Variants in SESTD1 observed in about 807,000 individuals in gnomAD.
SESTD1 encodes SEC14 domain and spectrin repeat-containing protein 1.
A neutral mutation model predicts 101.7 loss-of-function variants in SESTD1; 43 were observed. The observed-to-expected ratio is 0.42, with a 90% confidence interval of 0.33 to 0.55. The LOEUF (loss-of-function observed/expected upper bound fraction) is 0.55. Ranked by LOEUF, SESTD1 falls within the 20% of genes least tolerant of loss-of-function variation. The pLI is 0.07. For synonymous variants in SESTD1, 283 were observed against 286.8 expected (o/e 0.99, Z 0.13); for missense variants, 647 against 815.1 (o/e 0.79, Z 2.51).
chr2:179,168,339 T>C (rs1323879969), intron 5 of SESTD1, among the ~76,000 whole-genome samples: 1 of 152,224 alleles, frequency 6.6e-6, no homozygotes, highest in Non-Finnish European at 1.5e-5. Context: ...ATAATACATA[T>C]ACAAAATTTG....
intron 1 of SESTD1, among the ~76,000 whole-genome samples, chr2:179,252,970 A>G (rs535618467): frequency 1.3e-5 from 2 of 152,256 alleles, no homozygotes; most frequent in South Asian, 4.1e-4. Context: ...TCTCCATCCC[A>G]AAGTTCATAC....
At chr2:179,222,382 T>C (rs2046828114) in intron 1 of SESTD1, among the ~76,000 whole-genome samples, 1 of 152,150 alleles carries the variant, frequency 6.6e-6, no homozygotes, top group East Asian at 1.9e-4. Flanking sequence ...AGCAAATTTG[T>C]ATATATAGTT....
intron 1 of SESTD1, among the ~76,000 whole-genome samples, chr2:179,262,199 T>C (rs2047492203): frequency 6.6e-6 from 1 of 152,122 alleles, no homozygotes; most frequent in Non-Finnish European, 1.5e-5. Context: ...GGTTGTCAAA[T>C]ATGGGGAAGG....
chr2:179,162,506 A>C (rs2045754703), intron 5 of SESTD1: 1 of 152,198 alleles, frequency 6.6e-6, no homozygotes. Context: ...TTTACAAAAT[A>C]TCCTCCTATT....
chr2:179,228,979 A>G (rs2046932875), intron 1 of SESTD1, among the ~76,000 whole-genome samples: 1 of 152,164 alleles, frequency 6.6e-6, no homozygotes, highest in African/African-American at 2.4e-5. Flanking sequence ...CAGAAAAAGA[A>G]AGCCCAGTCT....
intron 9 of SESTD1, among the ~76,000 whole-genome samples, chr2:179,137,376 T>C (rs559033370): frequency 8.7e-4 from 132 of 152,228 alleles, no homozygotes; most frequent in African/African-American, 3.1e-3. Context: ...ATGTCAACCA[T>C]CTAACCTGGA....
chr2:179,196,087 C>G (rs1040748258), intron 1 of SESTD1, among the ~76,000 whole-genome samples: 4 of 152,188 alleles, frequency 2.6e-5, no homozygotes, highest in Non-Finnish European at 5.9e-5. Flanking sequence ...GGGCGCAGGT[C>G]AGTGGGTGCA....
intron 5 of SESTD1, among the ~76,000 whole-genome samples, chr2:179,153,142 A>C (rs2045561564): frequency 6.6e-6 from 1 of 152,220 alleles, no homozygotes; most frequent in Admixed American, 6.5e-5. Flanking sequence ...CTATAAACTC[A>C]GAAGAATAGA....
intron 9 of SESTD1, 122 bp from the exon 10 acceptor site, chr2:179,132,548 T>C (rs2045035529): frequency 2.8e-6 from 3 of 1,079,430 alleles, no homozygotes; most frequent in Non-Finnish European, 3.9e-6. Flanking sequence ...ATTTACATTC[T>C]ATCACATAGG....
intron 1 of SESTD1, among the ~76,000 whole-genome samples, chr2:179,230,113 C>CTCTCT (rs2046962437): frequency 3.5e-5 from 2 of 56,420 alleles, no homozygotes; most frequent in Admixed American, 2.9e-4. Flanking sequence ...GATTGTATCT[C>CTCTCT]TTTTTTTTTT....
chr2:179,258,212 T>C (rs2047428280), intron 1 of SESTD1, among the ~76,000 whole-genome samples: 1 of 152,208 alleles, frequency 6.6e-6, no homozygotes, highest in African/African-American at 2.4e-5. Context: ...ATTCAAGACT[T>C]TTCTGATAAA....
Position 179,104,536 on chromosome 2 carries a change from TCCC to T in SESTD1, c.*5360_*5362del, listed in dbSNP as rs2044339536. The T allele has an allele frequency of 2.0e-5, 3 of 151,996 alleles. No homozygotes were observed. The South Asian group carries it at 6.2e-4, about 32-fold the overall frequency. The allele number at this position is 151,996 out of a possible 1,614,324, so 9.4% of individuals were successfully genotyped here. On this transcript the variant is annotated 3_prime_UTR_variant, in exon 18 of 18. Transcript: ENST00000428443. Reference sequence around the variant, plus strand: ...AAGGCACCCAGTCATCTCTCATCTCTCCCCCAAGACAGAAGCATTTGGACACCC... The same window carrying T: ...AAGGCACCCAGTCATCTCTCATCTCTCCAAGACAGAAGCATTTGGACACCC...
At chr2:179,145,595 A>C (rs1357282911) in intron 8 of SESTD1, among the ~76,000 whole-genome samples, 5 of 152,228 alleles carry the variant, frequency 3.3e-5, no homozygotes, top group Admixed American at 2.6e-4. Context: ...CTGCTACTAG[A>C]GATATTTGGG....
chr2:179,138,487 G>A (rs1352887657), intron 9 of SESTD1, among the ~76,000 whole-genome samples: 2 of 152,026 alleles, frequency 1.3e-5, no homozygotes, highest in South Asian at 2.1e-4. Context: ...AAAGTTGTCC[G>A]AATCAAAATG....
intron 16 of SESTD1, 132 bp from the exon 17 acceptor site, chr2:179,112,977 G>T: frequency 8.0e-7 from 1 of 1,254,692 alleles, no homozygotes; most frequent in Non-Finnish European, 1.1e-6. Context: ...ATACAAATTT[G>T]GTAGATTAAA....
chr2:179,221,169 G>A (rs1340694957), intron 1 of SESTD1, among the ~76,000 whole-genome samples: 1 of 152,042 alleles, frequency 6.6e-6, no homozygotes, highest in Admixed American at 6.5e-5. Context: ...GGGAGGAAAT[G>A]TAAAAATAGT....
chr2:179,115,669 G>A (rs28508327), intron 15 of SESTD1, among the ~76,000 whole-genome samples: 1,612 of 152,150 alleles, frequency 0.011, 24 homozygotes, highest in African/African-American at 0.034. Context: ...GATCACTTCA[G>A]CCCAGGAGTT....
chr2:179,110,685 CTCTT>C (rs1200836417), intron 17 of SESTD1, among the ~76,000 whole-genome samples: 1 of 152,162 alleles, frequency 6.6e-6, no homozygotes, highest in Non-Finnish European at 1.5e-5. Flanking sequence ...GACCATCAAT[CTCTT>C]TTATTTTACC....
At chr2:179,151,573 T>C (rs1437761952) in intron 5 of SESTD1, among the ~76,000 whole-genome samples, 182 bp from the exon 6 acceptor site, 1 of 152,114 alleles carries the variant, frequency 6.6e-6, no homozygotes, top group African/African-American at 2.4e-5. Flanking sequence ...GATAAAAAAT[T>C]CATCAAAAAT....
Sources: gnomAD v4.1 joint callset for allele counts (sites outside exome capture counted in the v4.1 genomes callset) on GRCh38, gnomAD v4.1.1 for gene constraint, MANE v1.5 for transcripts, NCBI Gene and HGNC (gene_info 2026-07-23, HGNC 2026-07-21) for gene names.